The following DCLK1 variants were observed in gnomAD, a reference collection of about 807,000 sequenced individuals.
DCLK1 encodes doublecortin like kinase 1, also known as serine/threonine-protein kinase DCLK1.
A neutral mutation model predicts 86.2 loss-of-function variants in DCLK1; 16 were observed. That is an observed-to-expected ratio of 0.19 (90% CI 0.13 to 0.28). The LOEUF (loss-of-function observed/expected upper bound fraction) is 0.28. Ranked by LOEUF, DCLK1 falls within the 10% of genes least tolerant of loss-of-function variation. The pLI is 1.00. For synonymous variants in DCLK1, 369 were observed against 370.5 expected, an observed-to-expected ratio of 1.00 and a Z score of 0.05; for missense variants, 590 against 940.2, an observed-to-expected ratio of 0.63 and a Z score of 4.87.
At position 35,904,793 on chromosome 13, in the gene DCLK1, T is replaced by G. The variant is rs1593718685; in HGVS notation, c.824-33453A>C. On this transcript the variant is annotated intron_variant, in intron 4 of 16. Transcript: ENST00000360631. ...ATGCTTTGCTCGGGCACGGACAGCA[T>G]GTACAGTAGGCAGCAATCTGCAAAA... 3.3e-5 allele frequency among the ~76,000 whole-genome samples: 5 copies of G among 152,220 alleles called. No homozygotes were observed. In the South Asian group the frequency reaches 1.0e-3, roughly 32 times the overall value.
At chr13:35,938,816 C>A (rs1876916939) in intron 4 of DCLK1, among the ~76,000 whole-genome samples, 2 of 151,918 alleles carry the variant, frequency 1.3e-5, no homozygotes, top group Admixed American at 1.3e-4. Context: ...ACCTATAATT[C>A]TATATTTTGT....
chr13:36,122,285 G>A (rs1482530932), intron 2 of DCLK1, among the ~76,000 whole-genome samples: 2 of 152,082 alleles, frequency 1.3e-5, no homozygotes, highest in South Asian at 2.1e-4. Flanking sequence ...GTCAGGCAAC[G>A]TCCATACAGG....
At chr13:35,974,763 G>T (rs1879248881) in intron 3 of DCLK1, among the ~76,000 whole-genome samples, 1 of 152,122 alleles carries the variant, frequency 6.6e-6, no homozygotes, top group African/African-American at 2.4e-5. Context: ...CCAGTCTCAG[G>T]TATGTCTTTA....
At chr13:35,904,658 T>C (rs1874580322) in intron 4 of DCLK1, among the ~76,000 whole-genome samples, 1 of 152,222 alleles carries the variant, frequency 6.6e-6, no homozygotes, top group African/African-American at 2.4e-5. Flanking sequence ...AAAGAAGGGC[T>C]GGACAACGAT....
chr13:35,782,631 C>A (rs1415463147), intron 16 of DCLK1, among the ~76,000 whole-genome samples: 2 of 152,148 alleles, frequency 1.3e-5, no homozygotes, highest in Non-Finnish European at 2.9e-5. Flanking sequence ...AAAAACATGT[C>A]TATCCTGAAA....
chr13:35,983,699 G>A (rs761194195), intron 3 of DCLK1, among the ~76,000 whole-genome samples: 24 of 152,206 alleles, frequency 1.6e-4, no homozygotes, highest in Non-Finnish European at 2.8e-4. Flanking sequence ...TTGCATGCCT[G>A]TATCAAAACA....
chr13:35,855,440 G>C, intron 5 of DCLK1: 1 of 1,440,482 alleles, frequency 6.9e-7, no homozygotes, highest in Non-Finnish European at 9.6e-7. Flanking sequence ...TTAACCAGGA[G>C]ACACATAGAT....
chr13:35,813,032 C>T (rs753030651), intron 11 of DCLK1, among the ~76,000 whole-genome samples: 4 of 152,216 alleles, frequency 2.6e-5, no homozygotes, highest in Non-Finnish European at 2.9e-5. Context: ...AGTCTTACCA[C>T]GTCAGCCATT....
chr13:36,062,006 G>C (rs139642550), intron 3 of DCLK1, among the ~76,000 whole-genome samples: 404 of 152,260 alleles, frequency 2.7e-3, no homozygotes, highest in Non-Finnish European at 4.2e-3. Flanking sequence ...TCTAAATTTG[G>C]AGTGCTCGTC....
Position 35,849,163 on chromosome 13 carries a change from C to A in DCLK1, c.1035+5336G>T. The stretch of plus-strand genomic sequence containing the variant: ...ATTGCCTGGACGTTTTTTCTTCTTC[C>A]TCTTCTTTTGGTTGGAATATTTTAT... On this transcript the variant is annotated intron_variant, in intron 6 of 16. Transcript: ENST00000360631. The A allele has an allele frequency of 3.0e-6, 3 of 985,146 alleles. No homozygotes were observed. The East Asian group carries it at 3.4e-4, about 112-fold the overall frequency. 61.0% of individuals were successfully genotyped at this position (985,146 alleles called of 1,614,324 possible).
intron 3 of DCLK1, among the ~76,000 whole-genome samples, chr13:35,961,405 T>C (rs1037731427): frequency 1.2e-4 from 19 of 152,252 alleles, no homozygotes; most frequent in Non-Finnish European, 4.4e-5. Flanking sequence ...TTCCTTGTAC[T>C]GGTTTTACAT....
chr13:36,068,384 A>T (rs1448780247), intron 3 of DCLK1, among the ~76,000 whole-genome samples: 5 of 152,218 alleles, frequency 3.3e-5, no homozygotes, highest in African/African-American at 1.2e-4. Context: ...GCCACAGTAA[A>T]AAGAACTGCT....
intron 3 of DCLK1, among the ~76,000 whole-genome samples, chr13:36,059,323 A>ATAG (rs1272174858): frequency 4.6e-5 from 7 of 152,178 alleles, no homozygotes; most frequent in Non-Finnish European, 1.5e-5. Flanking sequence ...CCTCCTTCAC[A>ATAG]TAGTAATATA....
intron 8 of DCLK1, among the ~76,000 whole-genome samples, chr13:35,830,743 G>C (rs1868887518): frequency 1.3e-5 from 2 of 152,192 alleles, no homozygotes; most frequent in Admixed American, 1.3e-4. Flanking sequence ...CCCAGGCAAG[G>C]CCAGAGAGCA....
At chr13:36,068,789 A>C (rs951985176) in intron 3 of DCLK1, among the ~76,000 whole-genome samples, 1 of 152,202 alleles carries the variant, frequency 6.6e-6, no homozygotes, top group Non-Finnish European at 1.5e-5. Flanking sequence ...TAGTTTCAAC[A>C]CAGGGCATTT....
At chr13:35,878,328 T>C (rs901841187) in intron 4 of DCLK1, among the ~76,000 whole-genome samples, 1 of 152,198 alleles carries the variant, frequency 6.6e-6, no homozygotes, top group African/African-American at 2.4e-5. Flanking sequence ...TAGTAAGAAC[T>C]GAGGCCCATC....
chr13:35,945,357 G>A (rs891776678), intron 4 of DCLK1, among the ~76,000 whole-genome samples: 2 of 152,166 alleles, frequency 1.3e-5, no homozygotes, highest in Non-Finnish European at 2.9e-5. Context: ...GGCATCCTGG[G>A]TGGAGAGCGC....
At chr13:35,811,931 G>A (rs910551587) in intron 11 of DCLK1, among the ~76,000 whole-genome samples, 15 of 151,852 alleles carry the variant, frequency 9.9e-5, no homozygotes, top group Admixed American at 5.9e-4. Flanking sequence ...TCAGTGCCTC[G>A]TATTTTCAAC....
chr13:35,859,757 T>A (rs1038683906), intron 5 of DCLK1, among the ~76,000 whole-genome samples: 1 of 152,212 alleles, frequency 6.6e-6, no homozygotes, highest in African/African-American at 2.4e-5. Context: ...TAGATTCTTA[T>A]TGCTCCCTGT....
Sources: allele counts gnomAD v4.1 joint callset (sites outside exome capture counted in the v4.1 genomes callset), GRCh38; gene constraint gnomAD v4.1.1; transcripts MANE v1.5; gene names NCBI Gene and HGNC (gene_info 2026-07-23, HGNC 2026-07-21).